The following VPS29 variants were observed in gnomAD, a reference collection of about 807,000 sequenced individuals.
VPS29 encodes the protein VPS29 retromer complex component, also known as vacuolar protein sorting-associated protein 29.
VPS29 carries 2 observed loss-of-function variants against 20.0 expected under a neutral mutation model. The ratio of observed to expected loss-of-function variants is 0.10; its 90% confidence interval spans 0.04 to 0.31. VPS29 has a LOEUF of 0.31. Ranked by LOEUF, VPS29 falls within the 10% of genes least tolerant of loss-of-function variation. The pLI, the probability that VPS29 is intolerant of heterozygous loss-of-function variation, is 1.00. For synonymous variants in VPS29, 81 were observed against 79.3 expected, an observed-to-expected ratio of 1.02 and a Z score of -0.12; for missense variants, 120 against 215.3, an observed-to-expected ratio of 0.56 and a Z score of 2.77.
At chr12:110,501,538 G>A (rs2063043903) in intron 1 of VPS29, 2 of 1,535,444 alleles carry the variant, frequency 1.3e-6, no homozygotes, top group South Asian at 1.2e-5. Context: ...CAGGAGCGAG[G>A]AGGGTGGTTT....
At chr12:110,501,649 C>G in intron 1 of VPS29, 9 of 1,529,614 alleles carry the variant, frequency 5.9e-6, no homozygotes, top group African/African-American at 1.4e-5. Context: ...ACACCCCAAC[C>G]AGCGGGAGGT....
chr12:110,497,199 ATTTCTTTC>A (rs1565861938), intron 1 of VPS29, among the ~76,000 whole-genome samples: 2 of 141,290 alleles, frequency 1.4e-5, no homozygotes, highest in East Asian at 4.1e-4. Flanking sequence ...TAATTTAAAA[ATTTCTTTC>A]TTTTTTTTTT....
chr12:110,496,293 A>G (rs895223692), intron 1 of VPS29, 90 bp from the exon 2 acceptor site: 21 of 1,180,436 alleles, frequency 1.8e-5, no homozygotes, highest in Non-Finnish European at 2.3e-5. Flanking sequence ...TTTAAGTCTC[A>G]TAAGAGATCC....
At chr12:110,499,318 C>T in intron 1 of VPS29, 2 of 530,428 alleles carry the variant, frequency 3.8e-6, no homozygotes, top group South Asian at 4.0e-5. Context: ...AAATTCCACA[C>T]TTTGACAAAT....
chr12:110,499,589 A>G (rs1391071848), intron 1 of VPS29: 5 of 1,489,070 alleles, frequency 3.4e-6, no homozygotes, highest in Admixed American at 3.4e-5. Context: ...GGGGGATGAA[A>G]AAAAAAGGGT....
intron 3 of VPS29, 33 bp from the exon 4 acceptor site, chr12:110,492,155 G>A: frequency 6.7e-7 from 1 of 1,496,446 alleles, no homozygotes; most frequent in Non-Finnish European, 9.2e-7. Flanking sequence ...TCAGTGTTTT[G>A]TAGCACAAAG....
chr12:110,498,806 C>T (rs1409743289), intron 1 of VPS29: 50 of 982,430 alleles, frequency 5.1e-5, no homozygotes, highest in Non-Finnish European at 5.7e-5. Flanking sequence ...CACTGGTAAT[C>T]AACATAAAAG....
chr12:110,497,037 T>C (rs1443456187), intron 1 of VPS29: 2 of 152,078 alleles, frequency 1.3e-5, no homozygotes, highest in South Asian at 4.1e-4. Context: ...CAATCTTTCA[T>C]GTATATTAGA....
chr12:110,495,548 T>C (rs2062892105), intron 2 of VPS29, among the ~76,000 whole-genome samples: 1 of 145,968 alleles, frequency 6.9e-6, no homozygotes, highest in Non-Finnish European at 1.5e-5. Context: ...CCATCTCTAC[T>C]AAAAAAAAAA....
chr12:110,498,008 G>C (rs935244608), intron 1 of VPS29, among the ~76,000 whole-genome samples: 3 of 141,694 alleles, frequency 2.1e-5, no homozygotes, highest in African/African-American at 7.9e-5. Context: ...TTTTGCTCTC[G>C]TCGCCCAGGC....
At chr12:110,501,789 G>A (rs1250299592) in intron 1 of VPS29, 1 of 1,087,202 alleles carries the variant, frequency 9.2e-7, no homozygotes, top group Non-Finnish European at 1.4e-6. Context: ...AGGTCGGGCT[G>A]CTAGAGGGGC....
intron 2 of VPS29, among the ~76,000 whole-genome samples, chr12:110,494,252 T>A (rs1414425446): frequency 2.4e-5 from 3 of 123,722 alleles, no homozygotes; most frequent in Non-Finnish European, 5.1e-5. Context: ...TATGTATAAA[T>A]TTTTTTTTTT....
At position 110,496,090 on chromosome 12, in the gene VPS29, G is replaced by A. The variant is rs775711405; in HGVS notation, c.117C>T (p.Asn39=). 1.2e-6 allele frequency: 2 copies of A among 1,613,924 alleles called. No individual in the cohort carries two copies. Among genetic ancestry groups the A allele is most frequent in the South Asian group, 1.1e-5 (1 of 91,046 alleles). The change falls in exon 2 of 4, where the codon AAC becomes AAT. Residue 39 remains asparagine, a synonymous_variant. Transcript: ENST00000549578. ...AGTCATAACTCTCTTTGGTGCAAAGGTTTCCTGTGCAGAGAATGTGCTGAA... is the reference window on the plus strand; with the variant it reads ...AGTCATAACTCTCTTTGGTGCAAAGATTTCCTGTGCAGAGAATGTGCTGAA... ...GKIQHILCTG[N]LCTKESYDYL...
chr12:110,492,307 C>T (rs533431642), intron 3 of VPS29, among the ~76,000 whole-genome samples, 185 bp from the exon 4 acceptor site: 2 of 152,168 alleles, frequency 1.3e-5, no homozygotes. Flanking sequence ...CAGTGGCTTA[C>T]GCCTGTAATC....
At chr12:110,496,321 T>C in intron 1 of VPS29, 118 bp from the exon 2 acceptor site, 1 of 863,046 alleles carries the variant, frequency 1.2e-6, no homozygotes, top group Non-Finnish European at 1.7e-6. Flanking sequence ...CAGAAATTAT[T>C]CATAGGGTTC....
rs2062848509 is a variant in VPS29, at chr12:110,493,281, G to A, written c.196-50C>T. The A allele has an allele frequency of 2.3e-6, 3 of 1,301,592 alleles. No individual in the cohort carries two copies. The South Asian group carries it at 5.6e-5, about 24-fold the overall frequency. The allele number at this position is 1,301,592 out of a possible 1,614,324, so 80.6% of individuals were successfully genotyped here. On this transcript the variant is annotated intron_variant, in intron 2 of 3. Transcript: ENST00000549578. ...AAATATGTATTTTAGAGATACTGAT[G>A]TTTAAAAAAATCAGTTTCCTTAAAT...
At chr12:110,495,937 G>A in intron 2 of VPS29, 75 bp downstream of exon 2, 1 of 1,346,298 alleles carries the variant, frequency 7.4e-7, no homozygotes, top group Admixed American at 2.4e-5. Context: ...GAGAAACCCT[G>A]GTCTAAAGAT....
intron 1 of VPS29, chr12:110,501,553 C>T (rs1030373141): frequency 3.3e-6 from 5 of 1,535,268 alleles, no homozygotes; most frequent in Non-Finnish European, 4.4e-6. Context: ...TGGTTTATTC[C>T]CTTTCCCTAG....
chr12:110,501,572 G>C (rs2063046203), intron 1 of VPS29: 1 of 1,535,328 alleles, frequency 6.5e-7, no homozygotes, highest in Non-Finnish European at 8.7e-7. Flanking sequence ...AGATGGCAAA[G>C]TTAAACGGGT....
Sources: allele counts gnomAD v4.1 joint callset (sites outside exome capture counted in the v4.1 genomes callset), GRCh38; gene constraint gnomAD v4.1.1; transcripts MANE v1.5; gene names NCBI Gene and HGNC (gene_info 2026-07-23, HGNC 2026-07-21).